Variants in KLHL2 observed in about 807,000 individuals in gnomAD.
The protein encoded by KLHL2 is kelch like family member 2.
Under a neutral mutation model 75.8 loss-of-function variants are expected in KLHL2, and 15 were observed. The ratio of observed to expected loss-of-function variants is 0.20; its 90% CI spans 0.13 to 0.30. The LOEUF is 0.30. Among genes scored for constraint, KLHL2 ranks in the 10% least tolerant of loss-of-function variants. The pLI, the probability that KLHL2 is intolerant of heterozygous loss-of-function variation, is 1.00. For missense variants in KLHL2, 381 were observed against 741.0 expected (o/e 0.51, Z 5.64); for synonymous variants, 214 against 251.9 (o/e 0.85, Z 1.42).
At chr4:165,281,076 G>A (rs1175298746) in intron 5 of KLHL2, among the ~76,000 whole-genome samples, 2 of 152,090 alleles carry the variant, frequency 1.3e-5, no homozygotes, top group African/African-American at 4.8e-5. Flanking sequence ...TCATACTTTT[G>A]CCCTCACTAT....
Position 165,245,522 on chromosome 4 carries a change from C to T in KLHL2, c.381+6623C>T, listed in dbSNP as rs191167497. ...TGAGATTGTGGAGGGTCTGCATTCCCGTAGGAAGCTGGGCAACAAACCCAG... is the reference window on the plus strand; with the variant it reads ...TGAGATTGTGGAGGGTCTGCATTCCTGTAGGAAGCTGGGCAACAAACCCAG... On this transcript the variant is annotated intron_variant, in intron 4 of 14. Transcript: ENST00000226725. 4.7e-4 allele frequency among the ~76,000 whole-genome samples: 71 copies of T among 152,196 alleles called. No individual in the cohort carries two copies. The East Asian group carries it at 0.011, about 24-fold the overall frequency.
At chr4:165,241,229 A>C (rs1739792738) in intron 4 of KLHL2, among the ~76,000 whole-genome samples, 1 of 152,232 alleles carries the variant, frequency 6.6e-6, no homozygotes. Context: ...GGCAGTTGAG[A>C]AATAAATTAG....
chr4:165,278,450 G>A, intron 5 of KLHL2: 1 of 1,530,088 alleles, frequency 6.5e-7, no homozygotes, highest in Non-Finnish European at 9.1e-7. Flanking sequence ...GAAACAAACA[G>A]CTTCTAATGC....
intron 5 of KLHL2, among the ~76,000 whole-genome samples, chr4:165,287,388 A>G (rs900896907): frequency 2.6e-5 from 4 of 152,158 alleles, no homozygotes; most frequent in Non-Finnish European, 5.9e-5. Flanking sequence ...AATTTCATTT[A>G]TCCATTCATT....
chr4:165,309,222 A>G (rs575378193), intron 9 of KLHL2, among the ~76,000 whole-genome samples: 1 of 152,304 alleles, frequency 6.6e-6, no homozygotes, highest in Admixed American at 6.5e-5. Context: ...GAAGTACACA[A>G]CATAGATGTT....
At chr4:165,260,579 G>GT (rs1741586303) in intron 4 of KLHL2, among the ~76,000 whole-genome samples, 2 of 131,246 alleles carry the variant, frequency 1.5e-5, no homozygotes, top group African/African-American at 5.2e-5. Flanking sequence ...TGTGTGTGTG[G>GT]GGGGGGTGTA....
At chr4:165,310,996 A>G (rs959451791) in intron 10 of KLHL2, among the ~76,000 whole-genome samples, 11 of 151,774 alleles carry the variant, frequency 7.2e-5, no homozygotes, top group African/African-American at 2.4e-4. Context: ...CTGGGACTAT[A>G]GGTGCCCGCC....
Position 165,299,671 on chromosome 4 carries a change from T to G in KLHL2, c.921+15T>G. 1 of 1,586,178 alleles carries G rather than the reference T, an allele frequency of 6.3e-7. No homozygotes were observed. Among genetic ancestry groups the G allele is most frequent in the Non-Finnish European group, 8.6e-7 (1 of 1,167,444 alleles). ...ACCTTCCCAAAGTAGGATCTGTTTC[T>G]CATGCTTGTTATTACCTCATGCAAA... On this transcript the variant is annotated intron_variant, in intron 8 of 14. Coordinates refer to ENST00000226725, the MANE Select transcript of KLHL2 (RefSeq NM_007246.4).
intron 5 of KLHL2, among the ~76,000 whole-genome samples, chr4:165,277,012 C>A (rs1295770939): frequency 3.3e-5 from 5 of 151,960 alleles, no homozygotes; most frequent in Non-Finnish European, 7.4e-5. Context: ...AGTATATTTT[C>A]TTTTATGGAC....
chr4:165,313,398 A>G (rs984230906), intron 12 of KLHL2, 32 bp downstream of exon 12: 6 of 1,420,342 alleles, frequency 4.2e-6, no homozygotes, highest in Non-Finnish European at 5.5e-6. Context: ...CAACTGAAGC[A>G]CAAAAATGAT....
intron 4 of KLHL2, among the ~76,000 whole-genome samples, chr4:165,262,368 C>G (rs1035069897): frequency 6.6e-6 from 1 of 151,924 alleles, no homozygotes; most frequent in African/African-American, 2.4e-5. Context: ...ATTGTTCTAC[C>G]CCGTAAGGAA....
chr4:165,238,745 C>T, intron 3 of KLHL2, 33 bp from the exon 4 acceptor site: 2 of 1,611,916 alleles, frequency 1.2e-6, no homozygotes, highest in Non-Finnish European at 8.5e-7. Flanking sequence ...CAGTGTCTTG[C>T]TGTAACATCA....
At chr4:165,305,870 T>A in intron 9 of KLHL2, 145 bp downstream of exon 9, 1 of 619,670 alleles carries the variant, frequency 1.6e-6, no homozygotes. Context: ...TTCAGGGGCC[T>A]CATATGCCTC....
chr4:165,227,446 C>T (rs1181429869), intron 2 of KLHL2, among the ~76,000 whole-genome samples: 1 of 152,156 alleles, frequency 6.6e-6, no homozygotes, highest in South Asian at 2.1e-4. Flanking sequence ...ACTTCAAGGA[C>T]TTGGTCAAGC....
chr4:165,264,700 GTGTGTA>G (rs1742023249), intron 5 of KLHL2, among the ~76,000 whole-genome samples: 3 of 58,206 alleles, frequency 5.2e-5, no homozygotes, highest in South Asian at 5.2e-4. Context: ...GTGTGTGTGT[GTGTGTA>G]TATATATATA....
chr4:165,264,822 A>G (rs1195860586), intron 5 of KLHL2, among the ~76,000 whole-genome samples: 2 of 143,684 alleles, frequency 1.4e-5, no homozygotes, highest in Admixed American at 7.2e-5. Flanking sequence ...TATCTTTGCA[A>G]TTGTGAATTG....
chr4:165,272,522 C>T (rs1338634006), intron 5 of KLHL2, among the ~76,000 whole-genome samples: 1 of 152,104 alleles, frequency 6.6e-6, no homozygotes, highest in African/African-American at 2.4e-5. Context: ...ACTATTTAAC[C>T]TTTTATCTTT....
At chr4:165,248,177 A>C (rs1313406811) in intron 4 of KLHL2, among the ~76,000 whole-genome samples, 2 of 152,208 alleles carry the variant, frequency 1.3e-5, no homozygotes, top group Non-Finnish European at 2.9e-5. Context: ...TGGGTAGTTG[A>C]GAAAGAGTGG....
intron 1 of KLHL2, among the ~76,000 whole-genome samples, chr4:165,210,456 C>G (rs1296798269): frequency 2.6e-5 from 4 of 152,092 alleles, no homozygotes; most frequent in African/African-American, 9.7e-5. Context: ...AACTTTCATC[C>G]TTTTTAATTC....
Sources: gnomAD v4.1 joint callset for allele counts (sites outside exome capture counted in the v4.1 genomes callset) on GRCh38, gnomAD v4.1.1 for gene constraint, MANE v1.5 for transcripts, NCBI Gene and HGNC (gene_info 2026-07-23, HGNC 2026-07-21) for gene names.